FSIP1: variants seen among roughly 807,000 people sequenced by gnomAD.
The protein encoded by FSIP1 is fibrous sheath-interacting protein 1.
Under a neutral mutation model 60.9 loss-of-function variants are expected in FSIP1, and 65 were observed. The observed-to-expected ratio is 1.07, with a 90% CI of 0.87 to 1.31. The LOEUF (loss-of-function observed/expected upper bound fraction) is 1.31. FSIP1 is among the 40% of genes most tolerant of loss of function. FSIP1 has a pLI of 0.00. For synonymous variants in FSIP1, 209 were observed against 221.2 expected, an observed-to-expected ratio of 0.94 and a Z score of 0.49; for missense variants, 675 against 665.5, an observed-to-expected ratio of 1.01 and a Z score of -0.16.
Position 39,731,045 on chromosome 15 carries a change from T to C in FSIP1, c.892-4298A>G, listed in dbSNP as rs576200409. Among the ~76,000 whole-genome samples, 16 of 152,304 alleles carry C rather than the reference T, an allele frequency of 1.1e-4. No homozygotes were observed. The South Asian group carries it at 3.3e-3, about 32-fold the overall frequency. ...ACTTGCAACCCAGAACGGTGACTGA[T>C]AAAAAATTTATTGTCACACTATTTA... On this transcript the variant is annotated intron_variant, in intron 8 of 11. Transcript: ENST00000350221.
chr15:39,735,700 ATT>A (rs1251634764), intron 8 of FSIP1, among the ~76,000 whole-genome samples: 1 of 152,198 alleles, frequency 6.6e-6, no homozygotes, highest in South Asian at 2.1e-4. Context: ...AAACTTTTAA[ATT>A]TGTTTAACTT....
At chr15:39,658,438 C>T (rs1252592045) in intron 10 of FSIP1, among the ~76,000 whole-genome samples, 1 of 151,850 alleles carries the variant, frequency 6.6e-6, no homozygotes, top group Non-Finnish European at 1.5e-5. Context: ...TTAGCAGAGA[C>T]GGGTTTTCAC....
Position 39,765,622 on chromosome 15 carries a change from T to C in FSIP1, c.435A>G (p.Glu145=), listed in dbSNP as rs1397295568. ...REKEIKKQGL[E]MRIKLWEEIK... is the part of the protein sequence containing the mutation. ...TTTCTTCCCACAGCTTTATTCTCAT[T>C]TCTAGACCTTGCTTCTTAATTTCTT... Residue 145 remains glutamate, a synonymous_variant, in exon 4 of 12, where the codon GAA becomes GAG. Coordinates refer to ENST00000350221, the MANE Select transcript of FSIP1 (RefSeq NM_152597.5). 3.1e-6 allele frequency: 5 copies of C among 1,598,734 alleles called. No individual in the cohort carries two copies. In the African/African-American group the frequency reaches 5.4e-5, roughly 17 times the overall value.
At chr15:39,769,572 T>C (rs965228370) in intron 3 of FSIP1, among the ~76,000 whole-genome samples, 22 of 152,216 alleles carry the variant, frequency 1.4e-4, no homozygotes, top group Non-Finnish European at 3.1e-4. Context: ...GTACTTTTCT[T>C]CAACACAACC....
chr15:39,738,269 G>A, intron 7 of FSIP1, 68 bp from the exon 8 acceptor site: 2 of 1,002,384 alleles, frequency 2.0e-6, no homozygotes, highest in Non-Finnish European at 1.5e-6. Context: ...AAAAAAAATG[G>A]AATCTGAGAC....
rs149138308 is a variant in FSIP1 at position 39,771,641 on chromosome 15, A to G, written c.127-1031T>C. Among the ~76,000 whole-genome samples, 1,347 of 152,288 alleles carry G rather than the reference A, an allele frequency of 8.8e-3. 22 individuals carry two copies. Among genetic ancestry groups the G allele is most frequent in the African/African-American group, 0.03 (1,261 of 41,558 alleles). Reference sequence around the variant, plus strand: ...ATGGCCTGCCTCATTCGCTTCCCACAATGACCCTATGGTGTAAGTTTCTCT... The same window carrying G: ...ATGGCCTGCCTCATTCGCTTCCCACGATGACCCTATGGTGTAAGTTTCTCT... On this transcript the variant is annotated intron_variant, in intron 2 of 11. Coordinates refer to ENST00000350221, the MANE Select transcript of FSIP1 (RefSeq NM_152597.5).
intron 10 of FSIP1, among the ~76,000 whole-genome samples, chr15:39,703,127 C>T (rs1254329845): frequency 1.3e-5 from 2 of 151,996 alleles, no homozygotes; most frequent in African/African-American, 4.8e-5. Context: ...GGATTACAGG[C>T]ATGCACCACC....
At chr15:39,769,419 G>A (rs1022998666) in intron 3 of FSIP1, among the ~76,000 whole-genome samples, 6 of 151,990 alleles carry the variant, frequency 3.9e-5, no homozygotes, top group African/African-American at 9.7e-5. Flanking sequence ...AGTTATCCTC[G>A]AAGTAACATG....
intron 9 of FSIP1, among the ~76,000 whole-genome samples, chr15:39,713,933 A>G (rs914787469): frequency 6.6e-6 from 1 of 152,198 alleles, no homozygotes; most frequent in East Asian, 1.9e-4. Flanking sequence ...ATCATGTATA[A>G]ATAAGAAGGA....
intron 11 of FSIP1, among the ~76,000 whole-genome samples, chr15:39,614,537 C>A (rs539680547): frequency 6.6e-6 from 1 of 150,844 alleles, no homozygotes; most frequent in Non-Finnish European, 1.5e-5. Flanking sequence ...TTTGGCTACT[C>A]GGGAGGCTGA....
At chr15:39,619,210 G>A (rs1454781640) in intron 10 of FSIP1, among the ~76,000 whole-genome samples, 1 of 152,134 alleles carries the variant, frequency 6.6e-6, no homozygotes, top group Non-Finnish European at 1.5e-5. Flanking sequence ...AGCTATTACT[G>A]ATACTAGTAT....
At chr15:39,642,237 C>A (rs1318534600) in intron 10 of FSIP1, among the ~76,000 whole-genome samples, 1 of 152,200 alleles carries the variant, frequency 6.6e-6, no homozygotes, top group Non-Finnish European at 1.5e-5. Context: ...GAATAAAGCC[C>A]TAAGCATGCT....
Position 39,765,610 on chromosome 15 carries a change from C to T in FSIP1, c.447G>A (p.Lys149=). 1 of 1,588,266 alleles carries T rather than the reference C, an allele frequency of 6.3e-7. No individual in the cohort carries two copies. Among genetic ancestry groups the T allele is most frequent in the Non-Finnish European group, 8.5e-7 (1 of 1,171,950 alleles). The change falls in exon 4 of 12, where the codon AAG becomes AAA. Residue 149 remains lysine (K), a synonymous_variant. Coordinates refer to ENST00000350221, the MANE Select transcript of FSIP1 (RefSeq NM_152597.5). ...TTCTTACCTTAATTTCTTCCCACAG[C>T]TTTATTCTCATTTCTAGACCTTGCT... ...IKKQGLEMRI[K]LWEEIKSAKY... is the part of the protein sequence containing the mutation.
At chr15:39,662,015 A>T (rs1377331618) in intron 10 of FSIP1, among the ~76,000 whole-genome samples, 1 of 152,200 alleles carries the variant, frequency 6.6e-6, no homozygotes, top group East Asian at 1.9e-4. Flanking sequence ...GAAGAGAACT[A>T]TAACACAAAT....
At chr15:39,773,608 T>C (rs1351522403) in intron 2 of FSIP1, among the ~76,000 whole-genome samples, 2 of 152,210 alleles carry the variant, frequency 1.3e-5, no homozygotes, top group Non-Finnish European at 2.9e-5. Context: ...TAAGCAGGAA[T>C]ACTAATTCTA....
chr15:39,620,963 C>T (rs1891420605), intron 10 of FSIP1, among the ~76,000 whole-genome samples: 1 of 150,470 alleles, frequency 6.6e-6, no homozygotes, highest in African/African-American at 2.4e-5. Flanking sequence ...AAATGAAATT[C>T]CCAGGTGATT....
In FSIP1 at chr15:39,765,713, A is replaced by G; in HGVS notation, c.344T>C (p.Leu115Pro). ...EPKLKELDSQLQDAIQKMKKL... is the reference protein window; with the variant it reads ...EPKLKELDSQPQDAIQKMKKL... ...TTTCATCTTCTGAATAGCATCTTGAAGTTGAGAATCTAATTCTTTTAATTT... is the reference window on the plus strand; with the variant it reads ...TTTCATCTTCTGAATAGCATCTTGAGGTTGAGAATCTAATTCTTTTAATTT... The change falls in exon 4 of 12, where the codon CTT (leucine) becomes CCT (proline). Residue 115 changes from leucine (L) to proline (P), a missense_variant. Physicochemically the swap from Leu to Pro is moderately conservative, Grantham distance 98 (BLOSUM62 -3). Transcript: ENST00000350221. 1 of 1,554,648 alleles carries G rather than the reference A, an allele frequency of 6.4e-7. No homozygotes were observed. Among genetic ancestry groups the G allele is most frequent in the African/African-American group, 1.4e-5 (1 of 72,962 alleles).
At position 39,738,179 on chromosome 15, in the gene FSIP1, G is replaced by C. The variant is rs369364738; in HGVS notation, c.803C>G (p.Pro268Arg). ...NIELAKESRN[P>R]VVMVDREKKR... ...CTTCTCTCTGTCAACCATAACCACT[G>C]GGTTTCTTGATTCCTTGGCCAACTA... The change falls in exon 8 of 12, where the codon CCA becomes CGA. Residue 268 changes from proline (P) to arginine (R), a missense_variant. Transcript: ENST00000350221. 3.1e-6 allele frequency: 5 copies of C among 1,610,634 alleles called. No individual in the cohort carries two copies. In the African/African-American group the frequency reaches 6.7e-5, roughly 22 times the overall value.
intron 10 of FSIP1, among the ~76,000 whole-genome samples, chr15:39,637,814 T>C (rs1359711978): frequency 6.6e-6 from 1 of 151,628 alleles, no homozygotes; most frequent in Admixed American, 6.6e-5. Flanking sequence ...AAAAGACAAA[T>C]ACCCCTGTAG....
Sources: gnomAD v4.1 joint callset for allele counts (sites outside exome capture counted in the v4.1 genomes callset) on GRCh38, gnomAD v4.1.1 for gene constraint, MANE v1.5 for transcripts, NCBI Gene and HGNC (gene_info 2026-07-23, HGNC 2026-07-21) for gene names.